Variants in FTO observed in about 807,000 individuals in gnomAD.
FTO encodes the protein FTO alpha-ketoglutarate dependent dioxygenase, also known as alpha-ketoglutarate-dependent dioxygenase FTO.
A neutral mutation model predicts 63.9 loss-of-function variants in FTO; 47 were observed. The observed-to-expected ratio is 0.74, with a 90% confidence interval of 0.58 to 0.94. FTO has a LOEUF of 0.94. Among genes scored for constraint, FTO ranks in the 40% least tolerant of loss-of-function variants. The pLI is 0.00. For synonymous variants in FTO, 207 were observed against 224.4 expected, an observed-to-expected ratio of 0.92 and a Z score of 0.69; for missense variants, 562 against 618.1, an observed-to-expected ratio of 0.91 and a Z score of 0.96.
At chr16:53,795,469 G>T (rs978047589) in intron 1 of FTO, among the ~76,000 whole-genome samples, 3 of 151,732 alleles carry the variant, frequency 2.0e-5, no homozygotes, top group African/African-American at 4.8e-5. Context: ...GTGTGTGTGC[G>T]TGCGTGTGTG....
chr16:54,013,175 T>C (rs2084366433), intron 8 of FTO, among the ~76,000 whole-genome samples: 1 of 152,186 alleles, frequency 6.6e-6, no homozygotes, highest in Non-Finnish European at 1.5e-5. Flanking sequence ...GAGAAGTTGA[T>C]TCCAACCCTC....
intron 1 of FTO, among the ~76,000 whole-genome samples, chr16:53,787,946 T>A (rs2077793824): frequency 6.6e-6 from 1 of 152,196 alleles, no homozygotes; most frequent in South Asian, 2.1e-4. Context: ...GGATTGACCC[T>A]GTTCTCCTGT....
chr16:53,830,875 G>A (rs763882881), intron 3 of FTO, among the ~76,000 whole-genome samples: 20 of 152,080 alleles, frequency 1.3e-4, no homozygotes, highest in Non-Finnish European at 2.4e-4. Context: ...CAGCCCGGGC[G>A]ACAGAGTGAG....
intron 1 of FTO, among the ~76,000 whole-genome samples, chr16:53,763,594 C>T (rs6499642): frequency 0.096 from 14,629 of 152,064 alleles, 1,588 homozygotes; most frequent in African/African-American, 0.27. Context: ...GCTAAACTAA[C>T]GCATGATTAC....
At position 54,120,564 on chromosome 16, in the gene FTO, C is replaced by A. The variant is rs1026610590; in HGVS notation, c.*8649C>A. On this transcript the variant is annotated 3_prime_UTR_variant, in exon 9 of 9. Coordinates refer to ENST00000471389, the MANE Select transcript of FTO (RefSeq NM_001080432.3). ...AAAGAGAAGTTTTTAATATGTCACA[C>A]CCATATTTTATAGATGGGGCAATGG... The A allele has an allele frequency of 6.6e-6, 1 of 152,142 alleles. No individual in the cohort carries two copies. The highest frequency in any genetic ancestry group is 1.5e-5 in the Non-Finnish European group (1 of 68,036). 9.4% of individuals were successfully genotyped at this position (152,142 alleles called of 1,614,324 possible). A position where few individuals can be genotyped will look rare whatever the true frequency, so the allele number is the denominator to read the frequency against.
chr16:54,079,282 C>T (rs2086081305), intron 8 of FTO, among the ~76,000 whole-genome samples: 1 of 152,104 alleles, frequency 6.6e-6, no homozygotes. Context: ...TAAGGTAATA[C>T]AAGCACAGGA....
At chr16:54,018,460 G>A (rs561717278) in intron 8 of FTO, among the ~76,000 whole-genome samples, 196 of 150,870 alleles carry the variant, frequency 1.3e-3, no homozygotes, top group Non-Finnish European at 1.0e-3. Context: ...ATTCATTCAT[G>A]TGTTTGTGTG....
At chr16:53,905,169 A>G (rs10852525) in intron 7 of FTO, among the ~76,000 whole-genome samples, 132,661 of 151,926 alleles carry the variant, frequency 0.87, 58,083 homozygotes, top group East Asian at 1. Flanking sequence ...TAAAGTGAGC[A>G]TCTGTTGCTG....
rs36010057 is a variant in FTO at position 53,883,622 on chromosome 16, CA to C, written c.1119+3648del. ...GGGCAACAAGGGCGAAACTCTATCT[CA>C]AAAAAAAAAAAACAAAAAAAAAAAA... On this transcript the variant is annotated intron_variant, in intron 6 of 8. Coordinates refer to ENST00000471389, the MANE Select transcript of FTO (RefSeq NM_001080432.3). Among the ~76,000 whole-genome samples the C allele has an allele frequency of 2.9e-4, 17 of 59,340 alleles. No homozygotes were observed. The South Asian group carries it at 4.6e-3, about 16-fold the overall frequency. The allele number at this position is 59,340 out of a possible 152,430, so 38.9% of individuals were successfully genotyped here.
chr16:53,883,161 A>G lies in FTO; in HGVS notation c.1119+3174A>G, dbSNP rs928504655. ...CTTCGCAAAAAATCTCACAATTTTC[A>G]GTGTCAGACTAGCAGAATGGGTGCT... On this transcript the variant is annotated intron_variant, in intron 6 of 8. Transcript: ENST00000471389. Among the ~76,000 whole-genome samples, 13 of 152,218 alleles carry G rather than the reference A, an allele frequency of 8.5e-5. No individual in the cohort carries two copies. In the East Asian group the frequency reaches 9.6e-4, roughly 11 times the overall value.
rs1207288378 is a variant in FTO, at chr16:53,844,292, A to G, written c.889A>G (p.Met297Val). 2.5e-6 allele frequency: 4 copies of G among 1,612,432 alleles called. No homozygotes were observed. Among genetic ancestry groups the G allele is most frequent in the Non-Finnish European group, 3.4e-6 (4 of 1,178,626 alleles). Residue 297 changes from methionine (M) to valine (V), a missense_variant, in exon 4 of 9, where the codon ATG becomes GTG. Met to Val is a conservative substitution (Grantham distance 21). Transcript: ENST00000471389. The stretch of plus-strand genomic sequence containing the variant: ...CCTTCACCAAGGAGACTGCTATTTC[A>G]TGCTTGGTAATCTTTGGAAAATCAA... ...IPLHQGDCYF[M>V]LDDLNATHQH...
At chr16:53,997,261 G>A (rs1434159760) in intron 8 of FTO, among the ~76,000 whole-genome samples, 1 of 151,952 alleles carries the variant, frequency 6.6e-6, no homozygotes, top group Admixed American at 6.6e-5. Context: ...ATCAGATCTC[G>A]TGAGAACTCA....
In FTO at chr16:53,838,975, G is replaced by A. The variant is rs566620223; in HGVS notation, c.752-5180G>A. Among the ~76,000 whole-genome samples, 180 of 152,234 alleles carry A rather than the reference G, an allele frequency of 1.2e-3. 3 individuals carry two copies. Among genetic ancestry groups the A allele is most frequent in the Middle Eastern group, 3.4e-3 (1 of 294 alleles). On this transcript the variant is annotated intron_variant, in intron 3 of 8. Coordinates refer to ENST00000471389, the MANE Select transcript of FTO (RefSeq NM_001080432.3). ...AAATTTTTTGTGATATATTTTATTTGAGTATCACTGTAATCTCTACTGTCA... is the reference window on the plus strand; with the variant it reads ...AAATTTTTTGTGATATATTTTATTTAAGTATCACTGTAATCTCTACTGTCA...
intron 8 of FTO, among the ~76,000 whole-genome samples, chr16:53,951,179 C>T (rs2082791459): frequency 6.6e-6 from 1 of 152,110 alleles, no homozygotes; most frequent in African/African-American, 2.4e-5. Context: ...TGGATAAGAC[C>T]TTTGAATAGA....
chr16:53,950,159 A>AAAAAAAAAAAAAAACAAAAAAAAAAAAAC, intron 8 of FTO, among the ~76,000 whole-genome samples: 4 of 118,996 alleles, frequency 3.4e-5, no homozygotes, highest in Admixed American at 8.2e-5. Flanking sequence ...CATTTGTAAA[A>AAAAAAAAAAAAAAACAAAAAAAAAAAAAC]AAAAAAAAAA....
At chr16:53,894,969 T>C (rs992959336) in intron 7 of FTO, among the ~76,000 whole-genome samples, 1 of 152,088 alleles carries the variant, frequency 6.6e-6, no homozygotes, top group Non-Finnish European at 1.5e-5. Context: ...GCTTTGAAAA[T>C]CTGGAAAAAC....
At chr16:53,886,837 G>A (rs1238712846) in intron 6 of FTO, 2 of 152,014 alleles carry the variant, frequency 1.3e-5, no homozygotes, top group Non-Finnish European at 2.9e-5. Flanking sequence ...AATTCTTTGC[G>A]GTAACAGGTG....
intron 1 of FTO, among the ~76,000 whole-genome samples, chr16:53,710,122 C>T (rs2075730322): frequency 1.3e-5 from 2 of 151,746 alleles, no homozygotes; most frequent in South Asian, 4.1e-4. Flanking sequence ...GGTTCCTCAT[C>T]CTTTTTCTTT....
intron 8 of FTO, among the ~76,000 whole-genome samples, chr16:53,977,681 G>A (rs749619085): frequency 3.9e-5 from 6 of 152,106 alleles, no homozygotes; most frequent in Non-Finnish European, 7.4e-5. Flanking sequence ...TGGGGAGAGA[G>A]TATACATATT....
Sources: allele counts gnomAD v4.1 joint callset (sites outside exome capture counted in the v4.1 genomes callset), GRCh38; gene constraint gnomAD v4.1.1; transcripts MANE v1.5; gene names NCBI Gene and HGNC (gene_info 2026-07-23, HGNC 2026-07-21).